Variants in SLC12A7 observed in about 807,000 individuals in gnomAD.
SLC12A7 encodes the protein K-Cl cotransporter 4.
SLC12A7 carries 100 observed loss-of-function variants against 120.6 expected under a neutral mutation model. The observed-to-expected ratio is 0.83, with a 90% CI of 0.71 to 0.98. The LOEUF (loss-of-function observed/expected upper bound fraction) is 0.98. SLC12A7 is among the 50% of genes least tolerant of loss of function. The pLI is 0.00. For synonymous variants in SLC12A7, 760 were observed against 678.0 expected, an observed-to-expected ratio of 1.12 and a Z score of -1.88; for missense variants, 1,373 against 1,548.1, an observed-to-expected ratio of 0.89 and a Z score of 1.90.
At chr5:1,077,251 A>G (rs982167254) in intron 12 of SLC12A7, among the ~76,000 whole-genome samples, 1 of 152,120 alleles carries the variant, frequency 6.6e-6, no homozygotes, top group African/African-American at 2.4e-5. Context: ...TGAAGATGCA[A>G]CCACACAAAG....
intron 3 of SLC12A7, among the ~76,000 whole-genome samples, chr5:1,090,858 A>G (rs1262596438): frequency 6.6e-6 from 1 of 152,176 alleles, no homozygotes; most frequent in Non-Finnish European, 1.5e-5. Context: ...AACCTGACCC[A>G]ATTTCAGGCG....
rs1440290431 is a variant in SLC12A7 at position 1,061,008 on chromosome 5, C to T, written c.2740-557G>A. 5.1e-5 allele frequency among the ~76,000 whole-genome samples: 7 copies of T among 136,688 alleles called. No homozygotes were observed. The South Asian group carries it at 1.1e-3, about 22-fold the overall frequency. 89.7% of individuals were successfully genotyped at this position (136,688 alleles called of 152,430 possible). A position where few individuals can be genotyped will look rare whatever the true frequency, so the allele number is the denominator to read the frequency against. ...CCCACTGCACCTGCCGTGCAGGATC[C>T]CTGAGTCTCACCCGCCGCACCCGCC... On this transcript the variant is annotated intron_variant, in intron 20 of 23. Transcript: ENST00000264930.
At chr5:1,133,074 C>G in the SLC12A7 span, among the ~76,000 whole-genome samples, 18 of 152,306 alleles carry the variant, frequency 1.2e-4, no homozygotes, top group Middle Eastern at 6.8e-3. Context: ...TGCGTCACCA[C>G]ACACAGCTAA....
At chr5:1,152,607 GGGAGACCCCCAAGCTAGAGAAC>G in the SLC12A7 span, among the ~76,000 whole-genome samples, 1 of 149,852 alleles carries the variant, frequency 6.7e-6, no homozygotes, top group Non-Finnish European at 1.5e-5. Flanking sequence ...AGCTAGAGAA[GGGAGACCCCCAAGCTAGAGAAC>G]GGAGACCCCC....
At chr5:1,116,709 G>A (rs1002608061), upstream of SLC12A7, among the ~76,000 whole-genome samples, 5 of 152,176 alleles carry the variant, frequency 3.3e-5, no homozygotes, top group Non-Finnish European at 7.3e-5. Flanking sequence ...ATGTTACTCA[G>A]AATCTCACAC....
At chr5:1,110,851 CAGGCCACT>C (rs1458728055) in intron 1 of SLC12A7, among the ~76,000 whole-genome samples, 1 of 152,258 alleles carries the variant, frequency 6.6e-6, no homozygotes, top group Non-Finnish European at 1.5e-5. Flanking sequence ...CCCAGGCCAC[CAGGCCACT>C]GCCTTCACGG....
rs772557247 is a variant in SLC12A7, at chr5:1,051,956, C to T, written c.*404G>A. On this transcript the variant is annotated 3_prime_UTR_variant, in exon 24 of 24. Transcript: ENST00000264930. The stretch of plus-strand genomic sequence containing the variant: ...TCATCATCAGGGACAGCTTCAGCTC[C>T]GGGTGCTCTTCCAAGAATGTTCTGG... The T allele has an allele frequency of 3.4e-5, 7 of 204,398 alleles. No individual in the cohort carries two copies. Among genetic ancestry groups the T allele is most frequent in the South Asian group, 1.0e-4 (1 of 9,844 alleles). The allele number at this position is 204,398 out of a possible 1,614,324, so 12.7% of individuals were successfully genotyped here.
chr5:1,063,585 C>A (rs1561039684), intron 20 of SLC12A7, among the ~76,000 whole-genome samples: 1 of 152,052 alleles, frequency 6.6e-6, no homozygotes, highest in African/African-American at 2.4e-5. Context: ...GGCCTGGCAG[C>A]CCCCGCCACA....
At chr5:1,073,907 C>CATGG in intron 16 of SLC12A7, 106 bp from the exon 17 acceptor site, 1 of 1,128,084 alleles carries the variant, frequency 8.9e-7, no homozygotes, top group Non-Finnish European at 1.2e-6. Flanking sequence ...ACAGGTGGGA[C>CATGG]GGGAGATACA....
chr5:1,101,500 G>A (rs926069484), intron 1 of SLC12A7, among the ~76,000 whole-genome samples: 2 of 152,130 alleles, frequency 1.3e-5, no homozygotes, highest in African/African-American at 4.8e-5. Flanking sequence ...GCCGACAGCC[G>A]CTGGTGGAGA....
At chr5:1,142,041 C>A in the SLC12A7 span, among the ~76,000 whole-genome samples, 18 of 152,068 alleles carry the variant, frequency 1.2e-4, no homozygotes. Flanking sequence ...TGGCCTCCAC[C>A]TTTGCTTCTG....
Position 1,078,692 on chromosome 5 carries a change from G to A in SLC12A7, c.1454+9C>T, listed in dbSNP as rs1044099777. The A allele has an allele frequency of 2.5e-6, 4 of 1,610,726 alleles. No individual in the cohort carries two copies. The highest frequency in any genetic ancestry group is 2.2e-5 in the South Asian group (2 of 90,946). On this transcript the variant is annotated intron_variant, in intron 11 of 23. Coordinates refer to ENST00000264930, the MANE Select transcript of SLC12A7 (RefSeq NM_006598.3). ...AGGCTTTGCACGAAAACTGCAGGTG[G>A]AAACGTACTTATCTCGTAAGACCAC...
chr5:1,117,094 C>T, the SLC12A7 span, among the ~76,000 whole-genome samples: 9 of 152,170 alleles, frequency 5.9e-5, no homozygotes, highest in East Asian at 3.9e-4. This position sits in a 1 kb window ranked among gnomAD's most constrained non-coding sequence, Gnocchi z 4.5. Context: ...GTCTCAGAGC[C>T]GCGGAGGGTC....
chr5:1,068,165 T>C (rs1737258418), intron 17 of SLC12A7, among the ~76,000 whole-genome samples: 2 of 152,224 alleles, frequency 1.3e-5, no homozygotes, highest in South Asian at 4.1e-4. Flanking sequence ...CAGGCTGCCG[T>C]GGCTCACACC....
At chr5:1,055,737 A>G (rs1735543424) in intron 22 of SLC12A7, among the ~76,000 whole-genome samples, 1 of 152,168 alleles carries the variant, frequency 6.6e-6, no homozygotes, top group Non-Finnish European at 1.5e-5. Flanking sequence ...TGTGTGTCAA[A>G]CCCTACTCCT....
chr5:1,094,044 G>A (rs1740837756), intron 2 of SLC12A7, 110 bp downstream of exon 2: 1 of 776,326 alleles, frequency 1.3e-6, no homozygotes, highest in Non-Finnish European at 2.2e-6. Context: ...CCTTCCACGT[G>A]GTGTCCAGTC....
chr5:1,093,607 C>T lies in SLC12A7; in HGVS notation c.268G>A (p.Ala90Thr), dbSNP rs1287758783. ...PMVSSLLNKL[A>T]NYTNLSQGVV... Reference sequence around the variant, plus strand: ...CCCTGGCTCAGGTTGGTGTAGTTGGCCAGCTTGTTGAGCAGCGAGGACACC... The same window carrying T: ...CCCTGGCTCAGGTTGGTGTAGTTGGTCAGCTTGTTGAGCAGCGAGGACACC... Residue 90 changes from alanine (A) to threonine (T), a missense_variant, in exon 3 of 24, where the codon GCC becomes ACC. Coordinates refer to ENST00000264930, the MANE Select transcript of SLC12A7 (RefSeq NM_006598.3). 1.2e-6 allele frequency: 2 copies of T among 1,613,066 alleles called. No homozygotes were observed. Among genetic ancestry groups the T allele is most frequent in the Non-Finnish European group, 1.7e-6 (2 of 1,179,850 alleles).
At chr5:1,075,978 G>A (rs149297392) in intron 14 of SLC12A7, 160 bp downstream of exon 14, 11 of 612,732 alleles carry the variant, frequency 1.8e-5, no homozygotes, top group East Asian at 8.3e-5. Context: ...AGTCAAGGAC[G>A]CGCTGGGGTC....
At chr5:1,097,771 C>T (rs969268400) in intron 1 of SLC12A7, among the ~76,000 whole-genome samples, 15 of 152,244 alleles carry the variant, frequency 9.9e-5, no homozygotes, top group African/African-American at 2.6e-4. Context: ...TGTGTTCAGC[C>T]ACCAGCATGT....
Sources: allele counts gnomAD v4.1 joint callset (sites outside exome capture counted in the v4.1 genomes callset), GRCh38; gene constraint gnomAD v4.1.1; non-coding constraint Gnocchi (gnomAD v3.1); transcripts MANE v1.5; gene names NCBI Gene and HGNC (gene_info 2026-07-23, HGNC 2026-07-21).